The following NID1 variants were observed in gnomAD, a reference collection of about 807,000 sequenced individuals.
The protein encoded by NID1 is nidogen 1, also known as nidogen-1.
NID1 carries 76 observed loss-of-function variants against 130.6 expected under a neutral mutation model. The ratio of observed to expected loss-of-function variants is 0.58; its 90% CI spans 0.48 to 0.70. The LOEUF is 0.70. Among genes scored for constraint, NID1 ranks in the 30% least tolerant of loss-of-function variants. The pLI is 0.00. For synonymous variants in NID1, 665 were observed against 675.1 expected, an observed-to-expected ratio of 0.98 and a Z score of 0.23; for missense variants, 1,517 against 1,664.8, an observed-to-expected ratio of 0.91 and a Z score of 1.54.
At chr1:236,056,386 G>A (rs917506036) in intron 1 of NID1, among the ~76,000 whole-genome samples, 6 of 152,094 alleles carry the variant, frequency 3.9e-5, no homozygotes, top group Non-Finnish European at 4.4e-5. Flanking sequence ...TGGGGTACAC[G>A]TGGAGTATAT....
chr1:236,055,163 GC>G (rs1659862872), intron 1 of NID1, among the ~76,000 whole-genome samples: 1 of 151,934 alleles, frequency 6.6e-6, no homozygotes, highest in South Asian at 2.1e-4. Context: ...AATTAGCCGG[GC>G]GTGGTGGCGG....
At chr1:235,992,229 C>T (rs1322765042) in intron 13 of NID1, among the ~76,000 whole-genome samples, 1 of 152,210 alleles carries the variant, frequency 6.6e-6, no homozygotes. Context: ...AGGTCACTTT[C>T]TCTTGTCTAT....
chr1:236,040,049 G>A (rs1168112580), intron 4 of NID1, among the ~76,000 whole-genome samples: 3 of 152,134 alleles, frequency 2.0e-5, no homozygotes, highest in African/African-American at 7.2e-5. Context: ...TCAGTCTTAA[G>A]TAATACACTG....
chr1:235,989,362 TCCTATTA>T (rs1558422706), intron 14 of NID1, among the ~76,000 whole-genome samples: 1 of 152,210 alleles, frequency 6.6e-6, no homozygotes, highest in Non-Finnish European at 1.5e-5. Flanking sequence ...TTTAACCCAT[TCCTATTA>T]CCTGAGAGCA....
At chr1:236,048,025 CAAAAAAAAAA>C (rs57153446) in intron 2 of NID1, among the ~76,000 whole-genome samples, 5 of 33,936 alleles carry the variant, frequency 1.5e-4, no homozygotes, top group African/African-American at 1.3e-4. Context: ...GACTCCATCT[CAAAAAAAAAA>C]AAAAAAAAAA....
chr1:236,037,575 T>C (rs903988219), intron 5 of NID1, among the ~76,000 whole-genome samples: 9 of 151,916 alleles, frequency 5.9e-5, no homozygotes, highest in Non-Finnish European at 1.2e-4. Flanking sequence ...GGAGAATCAC[T>C]TGAACCTGGG....
chr1:235,997,567 C>T (rs934936332), intron 12 of NID1, among the ~76,000 whole-genome samples: 23 of 150,248 alleles, frequency 1.5e-4, no homozygotes, highest in African/African-American at 5.6e-4. Context: ...CAGAATTTTG[C>T]ACCTGGGAAT....
chr1:236,064,203 T>A (rs549754309), intron 1 of NID1, among the ~76,000 whole-genome samples: 1 of 152,200 alleles, frequency 6.6e-6, no homozygotes, highest in South Asian at 2.1e-4. Context: ...GAGCTGTAGG[T>A]CATCTGGTCC....
intron 3 of NID1, 134 bp from the exon 4 acceptor site, chr1:236,042,426 G>A: frequency 8.6e-7 from 1 of 1,156,174 alleles, no homozygotes; most frequent in East Asian, 2.4e-5. Context: ...GAGAGTGGAA[G>A]GGCACTGGCC....
At chr1:236,017,031 C>T in intron 10 of NID1, 117 bp downstream of exon 10, 1 of 1,338,048 alleles carries the variant, frequency 7.5e-7, no homozygotes, top group Non-Finnish European at 1.1e-6. Context: ...TTATAAATTG[C>T]TCTTCCCAGC....
intron 6 of NID1, among the ~76,000 whole-genome samples, chr1:236,030,896 A>T (rs904092268): frequency 6.6e-6 from 1 of 152,224 alleles, no homozygotes; most frequent in African/African-American, 2.4e-5. Context: ...AAATTAACTC[A>T]TATTAAAAAA....
At position 236,012,043 on chromosome 1, in the gene NID1, T is replaced by A. The variant is rs769838825; in HGVS notation, c.2405A>T (p.Asp802Val). Reference sequence around the variant, plus strand: ...TCGGCTTGGCTGGCATTCATCTACATCTGTAAAACAGCCACCAGGCCCAGG... The same window carrying A: ...TCGGCTTGGCTGGCATTCATCTACAACTGTAAAACAGCCACCAGGCCCAGG... ...GFSGDGQACQDVDECQPSRCH... is the reference protein window; with the variant it reads ...GFSGDGQACQVVDECQPSRCH... The change falls in exon 12 of 20, where the codon GAT becomes GTT. Residue 802 changes from aspartate (D) to valine (V), a missense_variant and splice_region_variant. Transcript: ENST00000264187. The A allele has an allele frequency of 2.5e-6, 4 of 1,611,992 alleles. No individual in the cohort carries two copies. Among genetic ancestry groups the A allele is most frequent in the Admixed American group, 1.7e-5 (1 of 59,976 alleles).
chr1:235,987,340 C>A (rs1054573142), intron 14 of NID1, among the ~76,000 whole-genome samples: 2 of 152,158 alleles, frequency 1.3e-5, no homozygotes, highest in African/African-American at 4.8e-5. Context: ...TTTGGCAAAG[C>A]CTTGTCGAGA....
intron 16 of NID1, among the ~76,000 whole-genome samples, chr1:235,981,082 G>A (rs1295507048): frequency 6.6e-6 from 1 of 152,220 alleles, no homozygotes; most frequent in East Asian, 1.9e-4. Context: ...CAAGGAGGAG[G>A]CTGAGTGGCC....
chr1:236,016,551 T>G (rs1006417615), intron 10 of NID1, among the ~76,000 whole-genome samples: 4 of 152,274 alleles, frequency 2.6e-5, no homozygotes, highest in African/African-American at 9.6e-5. Context: ...ATTTAAACAA[T>G]CTGGCTGTTC....
At chr1:235,986,742 G>A (rs796551772) in intron 14 of NID1, among the ~76,000 whole-genome samples, 20 of 152,288 alleles carry the variant, frequency 1.3e-4, no homozygotes, top group African/African-American at 3.9e-4. Context: ...GATTACAGAC[G>A]TAAGCCAGTG....
At chr1:236,053,837 GC>G (rs1659827200) in intron 1 of NID1, among the ~76,000 whole-genome samples, 1 of 152,268 alleles carries the variant, frequency 6.6e-6, no homozygotes, top group South Asian at 2.1e-4. Flanking sequence ...TAGAAATAAG[GC>G]CTGAGGGTGA....
At chr1:236,013,592 G>C in intron 10 of NID1, 32 bp from the exon 11 acceptor site, 1 of 1,613,824 alleles carries the variant, frequency 6.2e-7, no homozygotes, top group Non-Finnish European at 8.5e-7. Flanking sequence ...CACAGTCTTA[G>C]GAAGAAAGTC....
rs191546385 is a variant in NID1, at chr1:236,041,760, A to C, written c.1135+150T>G. The stretch of plus-strand genomic sequence containing the variant: ...ACTGGGCATATAACACCAAGGCTCC[A>C]CGGCTGTGAGAGTTCAGCCTCTACT... On this transcript the variant is annotated intron_variant, in intron 4 of 19. Transcript: ENST00000264187. 954 of 974,948 alleles carry C rather than the reference A, an allele frequency of 9.8e-4. 3 individuals are homozygous for C. The highest frequency in any genetic ancestry group is 2.1e-3 in the South Asian group (123 of 57,898). The allele number at this position is 974,948 out of a possible 1,614,324, so 60.4% of individuals were successfully genotyped here.
Sources: allele counts gnomAD v4.1 joint callset (sites outside exome capture counted in the v4.1 genomes callset), GRCh38; gene constraint gnomAD v4.1.1; transcripts MANE v1.5; gene names NCBI Gene and HGNC (gene_info 2026-07-23, HGNC 2026-07-21).